The following KCNIP4 variants were observed in gnomAD, a reference collection of about 807,000 sequenced individuals.
KCNIP4 encodes the protein potassium voltage-gated channel interacting protein 4, also known as Kv channel-interacting protein 4.
A neutral mutation model predicts 34.0 loss-of-function variants in KCNIP4; 12 were observed. The ratio of observed to expected loss-of-function variants is 0.35; its 90% confidence interval spans 0.23 to 0.57. KCNIP4 has a LOEUF of 0.57. KCNIP4 is among the 20% of genes least tolerant of loss of function. The pLI, the probability that KCNIP4 is intolerant of heterozygous loss-of-function variation, is 0.83. For missense variants in KCNIP4, 238 were observed against 311.7 expected, an observed-to-expected ratio of 0.76 and a Z score of 1.78; for synonymous variants, 124 against 102.2, an observed-to-expected ratio of 1.21 and a Z score of -1.29.
At chr4:21,660,623 G>A (rs1447853044) in intron 1 of KCNIP4, among the ~76,000 whole-genome samples, 2 of 152,136 alleles carry the variant, frequency 1.3e-5, no homozygotes, top group African/African-American at 2.4e-5. Flanking sequence ...AAAACAGCAA[G>A]AAATGAGAAA....
intron 1 of KCNIP4, among the ~76,000 whole-genome samples, chr4:21,443,036 C>T (rs1420139262): frequency 1.3e-5 from 2 of 152,202 alleles, no homozygotes; most frequent in Admixed American, 1.3e-4. Flanking sequence ...TCTCTCACAA[C>T]CCATATCCAA....
At chr4:20,937,278 A>G (rs1731175616) in intron 1 of KCNIP4, among the ~76,000 whole-genome samples, 1 of 102,674 alleles carries the variant, frequency 9.7e-6, no homozygotes, top group African/African-American at 3.9e-5. Context: ...TCTGTTGCCC[A>G]GGCTGGAGTA....
At chr4:21,822,567 G>A (rs1451269149) in intron 1 of KCNIP4, among the ~76,000 whole-genome samples, 1 of 151,976 alleles carries the variant, frequency 6.6e-6, no homozygotes, top group Non-Finnish European at 1.5e-5. Context: ...ATGGTAAATT[G>A]GTAGTTTACA....
intron 1 of KCNIP4, among the ~76,000 whole-genome samples, chr4:21,034,142 A>T (rs560255692): frequency 2.0e-5 from 3 of 152,306 alleles, no homozygotes; most frequent in South Asian, 4.1e-4. Context: ...CAGTTGGCAG[A>T]GGAGAAAAGA....
At chr4:21,037,194 T>C (rs533540593) in intron 1 of KCNIP4, among the ~76,000 whole-genome samples, 27 of 152,328 alleles carry the variant, frequency 1.8e-4, no homozygotes, top group African/African-American at 6.3e-4. Flanking sequence ...CGTTAATTTA[T>C]TACTGAAGAA....
chr4:20,904,362 T>C (rs1727503007), intron 1 of KCNIP4, among the ~76,000 whole-genome samples: 1 of 149,762 alleles, frequency 6.7e-6, no homozygotes, highest in Non-Finnish European at 1.5e-5. Context: ...GATATATAGA[T>C]ATATATTTGA....
intron 1 of KCNIP4, among the ~76,000 whole-genome samples, chr4:20,995,890 A>T (rs1439858713): frequency 4.6e-5 from 7 of 152,206 alleles, no homozygotes; most frequent in Admixed American, 3.9e-4. Context: ...AGGAATGCAC[A>T]TAAGTTACTA....
intron 1 of KCNIP4, among the ~76,000 whole-genome samples, chr4:21,342,367 A>G (rs983578200): frequency 6.6e-6 from 1 of 152,178 alleles, no homozygotes; most frequent in Non-Finnish European, 1.5e-5. Context: ...GCATAGGAAA[A>G]AAAGTTACTT....
At chr4:21,618,630 C>CTTTTTTTTTTT (rs58967707) in intron 1 of KCNIP4, among the ~76,000 whole-genome samples, 91 of 81,678 alleles carry the variant, frequency 1.1e-3, no homozygotes, top group Non-Finnish European at 1.3e-3. Context: ...TTTTCTTTTT[C>CTTTTTTTTTTT]TTTTTTTTTT....
At chr4:21,299,131 C>T (rs1764012637) in intron 1 of KCNIP4, among the ~76,000 whole-genome samples, 1 of 152,010 alleles carries the variant, frequency 6.6e-6, no homozygotes, top group African/African-American at 2.4e-5. Context: ...TATAGCCATA[C>T]TATACTATAT....
At chr4:20,735,140 G>T (rs1647977279) in intron 5 of KCNIP4, among the ~76,000 whole-genome samples, 1 of 152,158 alleles carries the variant, frequency 6.6e-6, no homozygotes, top group Admixed American at 6.5e-5. Context: ...AAGAAATGTG[G>T]CTGTCCATAA....
rs1232611786 is a variant in KCNIP4 at position 20,912,352 on chromosome 4, A to G, written c.62-29643T>C. The stretch of plus-strand genomic sequence containing the variant: ...TGAATTCAGCAAGTTTTAGGATACA[A>G]GATCAATATGCAAAAATAAATTCAT... On this transcript the variant is annotated intron_variant, in intron 1 of 8. Coordinates refer to ENST00000382152, the MANE Select transcript of KCNIP4 (RefSeq NM_025221.6). 2.0e-5 allele frequency among the ~76,000 whole-genome samples: 3 copies of G among 152,210 alleles called. No homozygotes were observed. In the South Asian group the frequency reaches 6.2e-4, roughly 32 times the overall value.
intron 1 of KCNIP4, among the ~76,000 whole-genome samples, chr4:21,446,295 A>T (rs1181382851): frequency 1.3e-5 from 2 of 152,092 alleles, no homozygotes; most frequent in African/African-American, 2.4e-5. Context: ...AAGGATTATA[A>T]ATCATGCTGC....
At chr4:21,720,611 C>T (rs1714755751) in intron 1 of KCNIP4, among the ~76,000 whole-genome samples, 2 of 150,604 alleles carry the variant, frequency 1.3e-5, no homozygotes, top group South Asian at 4.2e-4. Context: ...ATACATGTGC[C>T]ATGTTGGTGT....
At chr4:21,444,245 A>G (rs1292014258) in intron 1 of KCNIP4, among the ~76,000 whole-genome samples, 2 of 152,222 alleles carry the variant, frequency 1.3e-5, no homozygotes, top group Admixed American at 6.5e-5. Context: ...AATCAATAGA[A>G]AAAGAGAGAA....
intron 1 of KCNIP4, among the ~76,000 whole-genome samples, chr4:21,309,850 T>A (rs922379709): frequency 1.3e-5 from 2 of 152,150 alleles, no homozygotes; most frequent in Non-Finnish European, 2.9e-5. Context: ...GAAAGTACCA[T>A]GAGATCAGGG....
intron 1 of KCNIP4, among the ~76,000 whole-genome samples, chr4:21,578,971 G>A (rs1278926751): frequency 3.3e-5 from 5 of 152,188 alleles, no homozygotes; most frequent in Admixed American, 3.3e-4. Flanking sequence ...ATAAATAAAC[G>A]CTACTACTCA....
At chr4:21,016,866 A>G (rs1198482283) in intron 1 of KCNIP4, among the ~76,000 whole-genome samples, 2 of 152,204 alleles carry the variant, frequency 1.3e-5, no homozygotes, top group East Asian at 3.9e-4. Context: ...ATTGGAAGGA[A>G]TCTTAAAGTT....
At chr4:21,723,405 A>C (rs1291843100) in intron 1 of KCNIP4, among the ~76,000 whole-genome samples, 1 of 152,060 alleles carries the variant, frequency 6.6e-6, no homozygotes, top group Non-Finnish European at 1.5e-5. Flanking sequence ...TGAGCTTTTA[A>C]ACCCATAGCC....
Sources: allele counts gnomAD v4.1 joint callset (sites outside exome capture counted in the v4.1 genomes callset), GRCh38; gene constraint gnomAD v4.1.1; transcripts MANE v1.5; gene names NCBI Gene and HGNC (gene_info 2026-07-23, HGNC 2026-07-21).